GSE1: variants seen among roughly 807,000 people sequenced by gnomAD.
GSE1 encodes Gse1 coiled-coil protein.
In GSE1, 32 loss-of-function variants were observed where a neutral mutation model predicts 112.6. The observed-to-expected ratio is 0.28, with a 90% CI of 0.21 to 0.38. GSE1 has a LOEUF of 0.38. Ranked by LOEUF, GSE1 falls within the 10% of genes least tolerant of loss-of-function variation. The probability of loss-of-function intolerance (pLI) is 1.00; values close to 1 mark genes in which losing one functional copy is unlikely to be tolerated. For synonymous variants in GSE1, 1,115 were observed against 735.6 expected (o/e 1.52, Z -8.35); for missense variants, 2,348 against 1,699.2 (o/e 1.38, Z -6.71).
intron 1 of GSE1, among the ~76,000 whole-genome samples, chr16:85,181,780 G>A (rs2074590817): frequency 1.3e-5 from 2 of 152,306 alleles, no homozygotes; most frequent in Non-Finnish European, 1.5e-5. Flanking sequence ...CGGGTCCTGG[G>A]GTCCAGACCC....
chr16:85,656,430 G>GGAACGT lies in GSE1; in HGVS notation c.1080_1085dup (p.Arg365_Glu366dup), dbSNP rs779172400. 2.3e-5 allele frequency: 37 copies of GGAACGT among 1,575,620 alleles called. No individual in the cohort carries two copies. The highest frequency in any genetic ancestry group is 2.9e-5 in the Non-Finnish European group (34 of 1,157,240). Reference sequence around the variant, plus strand: ...GTGAGGCTGACCGCGAGCGGGAGAAGGAACGTGAGCGCGAACGCGAGAAGG... The same window carrying GGAACGT: ...GTGAGGCTGACCGCGAGCGGGAGAAGGAACGTGAACGTGAGCGCGAACGCGAGAAGG... On this transcript the variant is annotated inframe_insertion, in exon 7 of 16. Transcript: ENST00000253458.
At chr16:85,637,198 C>T (rs892616283) in intron 2 of GSE1, among the ~76,000 whole-genome samples, 4 of 152,234 alleles carry the variant, frequency 2.6e-5, no homozygotes, top group South Asian at 2.1e-4. Context: ...CAGCCCCCGG[C>T]GGCCGCTGTC....
At chr16:85,329,343 A>C (rs891270322) in intron 1 of GSE1, among the ~76,000 whole-genome samples, 5 of 152,188 alleles carry the variant, frequency 3.3e-5, no homozygotes, top group Non-Finnish European at 7.3e-5. Context: ...ACAGGGCCTC[A>C]GCTCTGCTAG....
exon 2 of GSE1, chr16:85,357,630 C>A (rs1237918373): frequency 7.8e-7 from 1 of 1,288,780 alleles, no homozygotes; most frequent in Non-Finnish European, 1.0e-6. Flanking sequence ...ACGGACCAGA[C>A]CTTACTGGTG....
chr16:85,171,761 G>A (rs1005323372), exon 1 of GSE1: 6 of 985,458 alleles, frequency 6.1e-6, no homozygotes, highest in African/African-American at 3.5e-5. Context: ...GGGCTCACCC[G>A]CCAAGGACCC....
intron 1 of GSE1, among the ~76,000 whole-genome samples, chr16:85,297,901 C>A (rs2045413259): frequency 1.3e-5 from 2 of 152,120 alleles, no homozygotes; most frequent in African/African-American, 4.8e-5. Context: ...TTTCAGGGTG[C>A]CGTGGAACTT....
intron 1 of GSE1, among the ~76,000 whole-genome samples, chr16:85,186,984 G>A (rs1218423796): frequency 6.6e-6 from 1 of 152,230 alleles, no homozygotes; most frequent in Non-Finnish European, 1.5e-5. Flanking sequence ...AGGGTGATTT[G>A]GTGGGGTCTG....
intron 1 of GSE1, among the ~76,000 whole-genome samples, chr16:85,351,688 C>T (rs1421738197): frequency 6.6e-6 from 1 of 152,176 alleles, no homozygotes; most frequent in Non-Finnish European, 1.5e-5. Flanking sequence ...CTCAATAAAG[C>T]ATTTTTTAAA....
Position 85,658,170 on chromosome 16 carries a change from G to T in GSE1, c.1640+566G>T, listed in dbSNP as rs1003792707. On this transcript the variant is annotated intron_variant, in intron 8 of 15. Transcript: ENST00000253458. ...CACAGGTCTTATGAGCTGGGCCCCA[G>T]TGCCCCCAGTCCTCCCTGCCCCTGC... Among the ~76,000 whole-genome samples the T allele has an allele frequency of 4.6e-5, 7 of 152,322 alleles. No homozygotes were observed. The South Asian group carries it at 1.2e-3, about 27-fold the overall frequency.
intron 1 of GSE1, chr16:85,592,779 C>G (rs1367030642): frequency 6.6e-6 from 1 of 152,410 alleles, no homozygotes; most frequent in Non-Finnish European, 1.5e-5. Flanking sequence ...AGTTACTGAA[C>G]CTCTCTGTGC....
chr16:85,625,390 G>A (rs1052051480), intron 1 of GSE1, among the ~76,000 whole-genome samples: 1 of 152,168 alleles, frequency 6.6e-6, no homozygotes, highest in Non-Finnish European at 1.5e-5. Context: ...GCTGCTGTCC[G>A]CGGGTCCCCA....
intron 2 of GSE1, among the ~76,000 whole-genome samples, chr16:85,418,266 G>A (rs1454648942): frequency 2.6e-5 from 4 of 152,226 alleles, no homozygotes; most frequent in African/African-American, 9.6e-5. Flanking sequence ...CTGCCATGAA[G>A]CCAGTAACAT....
At chr16:85,450,117 CTTTT>C (rs59854597) in intron 2 of GSE1, among the ~76,000 whole-genome samples, 6 of 79,498 alleles carry the variant, frequency 7.5e-5, no homozygotes, top group South Asian at 4.5e-4. Flanking sequence ...AGGCAGCTGA[CTTTT>C]TTTTTTTTTT....
chr16:85,312,210 G>GGT (rs1003755778), intron 1 of GSE1, among the ~76,000 whole-genome samples: 2 of 151,494 alleles, frequency 1.3e-5, no homozygotes, highest in Admixed American at 6.6e-5. Context: ...CTTGCGGGGG[G>GGT]GGGGGGGACA....
At chr16:85,483,736 G>A (rs974599900) in intron 2 of GSE1, among the ~76,000 whole-genome samples, 2 of 152,286 alleles carry the variant, frequency 1.3e-5, no homozygotes, top group Non-Finnish European at 1.5e-5. Flanking sequence ...CCGTCCCCGT[G>A]TAAACCTAGC....
intron 5 of GSE1, 59 bp from the exon 6 acceptor site, chr16:85,655,667 C>T (rs1255627597): frequency 3.4e-6 from 4 of 1,185,838 alleles, no homozygotes; most frequent in African/African-American, 1.5e-5. Context: ...CACCTGTCGA[C>T]AGGGCTGGGT....
At chr16:85,545,458 T>G (rs1296808588) in intron 2 of GSE1, among the ~76,000 whole-genome samples, 1 of 152,162 alleles carries the variant, frequency 6.6e-6, no homozygotes, top group African/African-American at 2.4e-5. Flanking sequence ...GGTTTCTGGG[T>G]AAAGCGTCTT....
chr16:85,562,423 C>G (rs1156747690), intron 1 of GSE1, among the ~76,000 whole-genome samples: 1 of 152,164 alleles, frequency 6.6e-6, no homozygotes, highest in African/African-American at 2.4e-5. Flanking sequence ...GTTGTTACGC[C>G]ATGGGTGGGA....
chr16:85,380,039 G>A (rs1197724600), intron 2 of GSE1, among the ~76,000 whole-genome samples: 1 of 152,198 alleles, frequency 6.6e-6, no homozygotes, highest in African/African-American at 2.4e-5. Context: ...TTGGCCTTGG[G>A]AAGCCCAAGC....
Sources: allele counts gnomAD v4.1 joint callset (sites outside exome capture counted in the v4.1 genomes callset), GRCh38; gene constraint gnomAD v4.1.1; transcripts MANE v1.5; gene names NCBI Gene and HGNC (gene_info 2026-07-23, HGNC 2026-07-21).